The following GPC6 variants were observed in gnomAD, a reference collection of about 807,000 sequenced individuals.
The protein encoded by GPC6 is glypican 6, also known as glypican-6.
In GPC6, 14 loss-of-function variants were observed where a neutral mutation model predicts 55.2. The observed-to-expected ratio is 0.25, with a 90% CI of 0.17 to 0.40. The LOEUF (loss-of-function observed/expected upper bound fraction) is 0.40. Ranked by LOEUF, GPC6 falls within the 10% of genes least tolerant of loss-of-function variation. GPC6 has a pLI of 1.00. For missense variants in GPC6, 641 were observed against 708.5 expected, an observed-to-expected ratio of 0.90 and a Z score of 1.08; for synonymous variants, 278 against 259.6, an observed-to-expected ratio of 1.07 and a Z score of -0.68.
intron 6 of GPC6, among the ~76,000 whole-genome samples, chr13:94,373,500 C>T (rs1057370801): frequency 3.4e-4 from 51 of 152,058 alleles, no homozygotes; most frequent in East Asian, 1.2e-3. Context: ...GAAGCGAGAA[C>T]GGAAGTTTAG....
At chr13:93,951,974 C>G (rs74957506) in intron 3 of GPC6, among the ~76,000 whole-genome samples, 10 of 152,112 alleles carry the variant, frequency 6.6e-5, no homozygotes, top group Non-Finnish European at 1.5e-4. Flanking sequence ...TACATTCTTT[C>G]ATACAAACAA....
Position 93,505,505 on chromosome 13 carries a change from G to A in GPC6, c.161-39758G>A, listed in dbSNP as rs185253070. On this transcript the variant is annotated intron_variant, in intron 1 of 8. Coordinates refer to ENST00000377047, the MANE Select transcript of GPC6 (RefSeq NM_005708.5). Reference sequence around the variant, plus strand: ...GAGATTAACATTGCACTTACAGCCAGTGGCACTCAACCAACACTCTAACTC... The same window carrying A: ...GAGATTAACATTGCACTTACAGCCAATGGCACTCAACCAACACTCTAACTC... Among the ~76,000 whole-genome samples, 11 of 152,218 alleles carry A rather than the reference G, an allele frequency of 7.2e-5. No individual in the cohort carries two copies. In the East Asian group the frequency reaches 2.1e-3, roughly 29 times the overall value.
chr13:94,377,272 G>A (rs1441055570), intron 6 of GPC6, among the ~76,000 whole-genome samples: 1 of 140,678 alleles, frequency 7.1e-6, no homozygotes, highest in East Asian at 2.2e-4. Flanking sequence ...TACAAAATGG[G>A]AGAAAATTTT....
Position 93,568,910 on chromosome 13 carries a change from A to G in GPC6, c.319+23489A>G, listed in dbSNP as rs142134783. 7.0e-3 allele frequency among the ~76,000 whole-genome samples: 1,065 copies of G among 152,246 alleles called. 5 individuals are homozygous for G. The highest frequency in any genetic ancestry group is 0.014 in the Middle Eastern group (4 of 294). ...GCCTTTTCATGTTTTAGTTTTATCT[A>G]TGCATCCCAGCCTACTTATTGGAGG... On this transcript the variant is annotated intron_variant, in intron 2 of 8. Transcript: ENST00000377047.
intron 2 of GPC6, among the ~76,000 whole-genome samples, chr13:93,685,779 G>A (rs984283979): frequency 7.2e-5 from 11 of 151,918 alleles, no homozygotes; most frequent in Non-Finnish European, 1.6e-4. Context: ...ACAGTTAAGG[G>A]GGCATGTTAT....
At chr13:93,228,481 G>C (rs1336017343) in intron 1 of GPC6, among the ~76,000 whole-genome samples, 2 of 152,160 alleles carry the variant, frequency 1.3e-5, no homozygotes, top group African/African-American at 4.8e-5. Context: ...CCAAGAGCTT[G>C]AGAGCGCCCA....
chr13:93,266,728 T>C lies in GPC6; in HGVS notation c.160+39112T>C, dbSNP rs371306384. ...GTTATTCAGTTAAATATAGTTAATG[T>C]TAATAACTTGATCAGAATTTAAGGA... On this transcript the variant is annotated intron_variant, in intron 1 of 8. Transcript: ENST00000377047. 1.5e-4 allele frequency among the ~76,000 whole-genome samples: 23 copies of C among 152,330 alleles called. No individual in the cohort carries two copies. The East Asian group carries it at 3.3e-3, about 22-fold the overall frequency.
intron 4 of GPC6, among the ~76,000 whole-genome samples, chr13:94,102,847 A>G (rs1359130856): frequency 1.3e-5 from 2 of 152,106 alleles, no homozygotes; most frequent in Non-Finnish European, 2.9e-5. Flanking sequence ...ATCTCATACA[A>G]CTTAATTAGT....
At chr13:93,665,239 G>A (rs1392687660) in intron 2 of GPC6, among the ~76,000 whole-genome samples, 3 of 152,098 alleles carry the variant, frequency 2.0e-5, no homozygotes, top group African/African-American at 7.2e-5. Flanking sequence ...AATAAGTAAT[G>A]GTATATCCAT....
intron 2 of GPC6, among the ~76,000 whole-genome samples, chr13:93,683,293 T>C (rs1205619907): frequency 1.3e-5 from 2 of 152,116 alleles, no homozygotes; most frequent in African/African-American, 4.8e-5. Flanking sequence ...ATTTCTGCTT[T>C]AATATTAAAC....
intron 2 of GPC6, among the ~76,000 whole-genome samples, chr13:93,756,788 T>C (rs1029280386): frequency 6.6e-6 from 1 of 152,156 alleles, no homozygotes; most frequent in African/African-American, 2.4e-5. Flanking sequence ...GCTTTCAAAG[T>C]GCTACTGATA....
chr13:94,221,730 A>G (rs1363651158), intron 4 of GPC6, among the ~76,000 whole-genome samples: 2 of 151,868 alleles, frequency 1.3e-5, no homozygotes, highest in Admixed American at 6.6e-5. Flanking sequence ...ATCTTTCTGG[A>G]AAAAAAATTA....
chr13:93,833,100 T>C lies in GPC6; in HGVS notation c.711+2555T>C, dbSNP rs545436282. 7.5e-3 allele frequency among the ~76,000 whole-genome samples: 785 copies of C among 105,016 alleles called. 8 individuals are homozygous for C. The highest frequency in any genetic ancestry group is 0.043 in the Middle Eastern group (8 of 186). The allele number at this position is 105,016 out of a possible 152,430, so 68.9% of individuals were successfully genotyped here. A position where few individuals can be genotyped will look rare whatever the true frequency, so the allele number is the denominator to read the frequency against. Reference sequence around the variant, plus strand: ...ATGGATGGATGGATGGGTAGATAGGTAGATGATAGAGAGAGAGAGAGAGAG... The same window carrying C: ...ATGGATGGATGGATGGGTAGATAGGCAGATGATAGAGAGAGAGAGAGAGAG... On this transcript the variant is annotated intron_variant, in intron 3 of 8. Coordinates refer to ENST00000377047, the MANE Select transcript of GPC6 (RefSeq NM_005708.5).
At chr13:93,830,009 T>G in intron 2 of GPC6, 145 bp from the exon 3 acceptor site, 1 of 588,238 alleles carries the variant, frequency 1.7e-6, no homozygotes, top group Non-Finnish European at 3.0e-6. Flanking sequence ...TTAAAATATG[T>G]TTTTTATCTG....
At chr13:94,372,388 T>A (rs1395870533) in intron 6 of GPC6, among the ~76,000 whole-genome samples, 1 of 151,834 alleles carries the variant, frequency 6.6e-6, no homozygotes, top group Non-Finnish European at 1.5e-5. Context: ...GGGCGAGGCA[T>A]TGCCTCACTT....
intron 2 of GPC6, among the ~76,000 whole-genome samples, chr13:93,608,627 C>T (rs998361962): frequency 3.3e-5 from 5 of 152,168 alleles, no homozygotes; most frequent in African/African-American, 1.2e-4. Context: ...CTCTCCACAA[C>T]AGTCCTCAGA....
At chr13:94,025,113 C>T (rs1442185681) in intron 3 of GPC6, among the ~76,000 whole-genome samples, 1 of 152,170 alleles carries the variant, frequency 6.6e-6, no homozygotes, top group African/African-American at 2.4e-5. Flanking sequence ...TACCAGAACA[C>T]TGAGTGAGAA....
chr13:94,343,912 G>A (rs1000948020), intron 6 of GPC6, among the ~76,000 whole-genome samples: 4 of 152,026 alleles, frequency 2.6e-5, no homozygotes, highest in African/African-American at 9.7e-5. Context: ...TGTATTTTTT[G>A]TAGAGACCAG....
chr13:93,288,444 T>C (rs1330514137), intron 1 of GPC6, among the ~76,000 whole-genome samples: 3 of 152,174 alleles, frequency 2.0e-5, no homozygotes, highest in African/African-American at 7.2e-5. Context: ...CCTCAAAGTC[T>C]TTAAAACTTT....
Sources: gnomAD v4.1 joint callset for allele counts (sites outside exome capture counted in the v4.1 genomes callset) on GRCh38, gnomAD v4.1.1 for gene constraint, MANE v1.5 for transcripts, NCBI Gene and HGNC (gene_info 2026-07-23, HGNC 2026-07-21) for gene names.